Variants in PCDH9 observed in about 807,000 individuals in gnomAD.
PCDH9 encodes the protein protocadherin 9.
In PCDH9, 24 loss-of-function variants were observed where a neutral mutation model predicts 70.6. That is an observed-to-expected ratio of 0.34 (90% CI 0.25 to 0.48). The LOEUF is 0.48. PCDH9 is among the 20% of genes least tolerant of loss of function. The probability of loss-of-function intolerance (pLI) is 0.99; values close to 1 mark genes in which losing one functional copy is unlikely to be tolerated. For missense variants in PCDH9, 1,281 were observed against 1,503.6 expected, an observed-to-expected ratio of 0.85 and a Z score of 2.45; for synonymous variants, 562 against 558.5, an observed-to-expected ratio of 1.01 and a Z score of -0.09.
intron 2 of PCDH9, among the ~76,000 whole-genome samples, chr13:67,173,846 A>G (rs2088365831): frequency 6.6e-6 from 1 of 152,152 alleles, no homozygotes; most frequent in South Asian, 2.1e-4. Context: ...GACTTGATCT[A>G]TAGAGTTGCA....
chr13:66,479,931 G>A (rs113818485), intron 4 of PCDH9, among the ~76,000 whole-genome samples: 18,311 of 152,172 alleles, frequency 0.12, 1,335 homozygotes, highest in Middle Eastern at 0.21. Context: ...CAACCCGCTC[G>A]GGTCCCTTTC....
intron 4 of PCDH9, among the ~76,000 whole-genome samples, chr13:66,326,870 T>A (rs1955857974): frequency 6.7e-6 from 1 of 149,944 alleles, no homozygotes; most frequent in Admixed American, 6.6e-5. Context: ...ACAAAATGCC[T>A]CTTCTTCCCC....
At chr13:66,507,841 C>T (rs747557154) in intron 4 of PCDH9, among the ~76,000 whole-genome samples, 4 of 152,126 alleles carry the variant, frequency 2.6e-5, no homozygotes, top group Non-Finnish European at 5.9e-5. Flanking sequence ...CCTGCCTCAG[C>T]CTCCTGAGTA....
At chr13:66,562,477 G>A (rs1461326422) in intron 4 of PCDH9, among the ~76,000 whole-genome samples, 1 of 152,116 alleles carries the variant, frequency 6.6e-6, no homozygotes, top group African/African-American at 2.4e-5. Context: ...CGCATGGCTG[G>A]GGAGGCCTCA....
At chr13:66,618,381 A>C (rs2077384380) in intron 4 of PCDH9, among the ~76,000 whole-genome samples, 1 of 152,202 alleles carries the variant, frequency 6.6e-6, no homozygotes, top group Non-Finnish European at 1.5e-5. Flanking sequence ...TCACTGGCAG[A>C]AATACATGTT....
At chr13:66,784,704 G>A (rs1001271339) in intron 3 of PCDH9, among the ~76,000 whole-genome samples, 1 of 152,018 alleles carries the variant, frequency 6.6e-6, no homozygotes, top group African/African-American at 2.4e-5. Context: ...CCATAGATGT[G>A]TATTAAAACA....
At chr13:66,591,708 T>TAA (rs575070655) in intron 4 of PCDH9, among the ~76,000 whole-genome samples, 6 of 151,268 alleles carry the variant, frequency 4.0e-5, no homozygotes, top group African/African-American at 1.2e-4. Context: ...AATAAGCCAT[T>TAA]AAAAAAAACC....
chr13:66,789,176 G>A lies in PCDH9; in HGVS notation c.3138+114328C>T, dbSNP rs368377486. 2.4e-4 allele frequency among the ~76,000 whole-genome samples: 36 copies of A among 152,200 alleles called. 1 individual carries two copies. The East Asian group carries it at 6.0e-3, about 25-fold the overall frequency. ...CTTTAATCTTCACAAAATCTCTATG[G>A]ATTATGGGTAATTCAGACCCTGAGT... On this transcript the variant is annotated intron_variant, in intron 3 of 4. Transcript: ENST00000377865.
chr13:66,806,874 T>C (rs539236347), intron 3 of PCDH9, among the ~76,000 whole-genome samples: 14 of 152,272 alleles, frequency 9.2e-5, no homozygotes, highest in African/African-American at 3.4e-4. Flanking sequence ...TTTTGCACTT[T>C]TCAAACGGAA....
intron 4 of PCDH9, among the ~76,000 whole-genome samples, chr13:66,543,334 G>C (rs962209325): frequency 6.6e-6 from 1 of 152,124 alleles, no homozygotes; most frequent in Admixed American, 6.5e-5. Context: ...ACTTTGGGAG[G>C]CTGAGGCAGG....
chr13:66,783,185 C>T lies in PCDH9; in HGVS notation c.3138+120319G>A, dbSNP rs2080027050. Among the ~76,000 whole-genome samples the T allele has an allele frequency of 2.0e-5, 3 of 152,068 alleles. No individual in the cohort carries two copies. In the South Asian group the frequency reaches 6.2e-4, roughly 32 times the overall value. On this transcript the variant is annotated intron_variant, in intron 3 of 4. Transcript: ENST00000377865. ...CTCTCAGCTTTGGCCATTACACGAC[C>T]CCAGAGTGCTGTTCTCCAGACTCTG... is the stretch of plus-strand genomic sequence containing the variant.
intron 2 of PCDH9, among the ~76,000 whole-genome samples, chr13:67,162,714 A>G (rs2087995916): frequency 6.6e-6 from 1 of 152,196 alleles, no homozygotes; most frequent in Non-Finnish European, 1.5e-5. Context: ...ATCTTTTTCC[A>G]CATCAGAGAA....
intron 3 of PCDH9, among the ~76,000 whole-genome samples, chr13:66,717,227 G>A (rs560684360): frequency 9.9e-5 from 15 of 151,682 alleles, no homozygotes; most frequent in Non-Finnish European, 1.9e-4. Context: ...AGGCCGAGGC[G>A]AGCGGATCAC....
rs551520940 is a variant in PCDH9, at chr13:66,328,430, GTTAA to G, written c.3341-23406_3341-23403del. 3.3e-3 allele frequency among the ~76,000 whole-genome samples: 508 copies of G among 152,256 alleles called. 4 individuals are homozygous for G. The highest frequency in any genetic ancestry group is 0.012 in the African/African-American group (486 of 41,552). The stretch of plus-strand genomic sequence containing the variant: ...ATCATTTATTGCAAAGGATACAATA[GTTAA>G]GGTGGGTATTAGCATATTATTTATT... On this transcript the variant is annotated intron_variant, in intron 4 of 4. Coordinates refer to ENST00000377865, the MANE Select transcript of PCDH9 (RefSeq NM_203487.3).
chr13:66,569,242 T>C (rs551936997), intron 4 of PCDH9, among the ~76,000 whole-genome samples: 7 of 152,148 alleles, frequency 4.6e-5, no homozygotes, highest in African/African-American at 1.7e-4. Flanking sequence ...TGTCTCAAAC[T>C]CCTGACCTCA....
intron 2 of PCDH9, among the ~76,000 whole-genome samples, chr13:66,977,971 A>G (rs1487928930): frequency 6.6e-6 from 1 of 152,154 alleles, no homozygotes; most frequent in Non-Finnish European, 1.5e-5. Context: ...GTTAAGTGAA[A>G]ATTTGCTAAA....
intron 4 of PCDH9, among the ~76,000 whole-genome samples, chr13:66,562,673 G>T (rs1489711933): frequency 6.6e-6 from 1 of 152,078 alleles, no homozygotes; most frequent in East Asian, 1.9e-4. Context: ...TCCCTCCCAG[G>T]ATACATGAGG....
intron 2 of PCDH9, chr13:67,220,745 C>T (rs527266582): frequency 2.8e-4 from 43 of 152,068 alleles, no homozygotes; most frequent in African/African-American, 8.9e-4. Flanking sequence ...ATTTTCTCTA[C>T]GTTAACAAAT....
chr13:66,398,561 A>G (rs923209646), intron 4 of PCDH9, among the ~76,000 whole-genome samples: 6 of 152,122 alleles, frequency 3.9e-5, no homozygotes, highest in African/African-American at 1.4e-4. Context: ...TTCTGAAAAA[A>G]GTTTATAGAT....
Sources: allele counts gnomAD v4.1 joint callset (sites outside exome capture counted in the v4.1 genomes callset), GRCh38; gene constraint gnomAD v4.1.1; transcripts MANE v1.5; gene names NCBI Gene and HGNC (gene_info 2026-07-23, HGNC 2026-07-21).